KCNJ6: variants seen among roughly 807,000 people sequenced by gnomAD.
KCNJ6 encodes the protein potassium inwardly rectifying channel subfamily J member 6.
Under a neutral mutation model 34.2 loss-of-function variants are expected in KCNJ6, and 9 were observed. The ratio of observed to expected loss-of-function variants is 0.26; its 90% confidence interval spans 0.16 to 0.46. The LOEUF is 0.46. KCNJ6 is among the 20% of genes least tolerant of loss of function. The pLI, the probability that KCNJ6 is intolerant of heterozygous loss-of-function variation, is 1.00. For missense variants in KCNJ6, 236 were observed against 531.3 expected (o/e 0.44, Z 5.46); for synonymous variants, 196 against 207.1 (o/e 0.95, Z 0.46).
intron 1 of KCNJ6, among the ~76,000 whole-genome samples, chr21:37,911,747 T>C (rs1024541964): frequency 7.2e-5 from 11 of 152,332 alleles, no homozygotes; most frequent in Middle Eastern, 6.8e-3. Flanking sequence ...AGCTTCACCT[T>C]ATCTGCCTGC....
intron 2 of KCNJ6, among the ~76,000 whole-genome samples, chr21:37,715,618 A>T (rs112320807): frequency 0.022 from 3,420 of 152,300 alleles, 72 homozygotes; most frequent in Non-Finnish European, 0.032. Flanking sequence ...CCCAACCCCT[A>T]AGGTGACAGT....
intron 2 of KCNJ6, among the ~76,000 whole-genome samples, chr21:37,779,422 T>C (rs1252968568): frequency 6.6e-6 from 1 of 152,148 alleles, no homozygotes; most frequent in Non-Finnish European, 1.5e-5. Context: ...GGGAGAGGTG[T>C]GTTAATCAGC....
intron 2 of KCNJ6, among the ~76,000 whole-genome samples, chr21:37,729,634 CT>C (rs1163800092): frequency 3.3e-5 from 5 of 152,224 alleles, no homozygotes; most frequent in Non-Finnish European, 7.3e-5. Flanking sequence ...CCTGATTCTT[CT>C]TTAAAGCGAT....
At chr21:37,752,566 T>G (rs1434431712) in intron 2 of KCNJ6, among the ~76,000 whole-genome samples, 1 of 151,630 alleles carries the variant, frequency 6.6e-6, no homozygotes, top group Non-Finnish European at 1.5e-5. Flanking sequence ...GAAAGAGGAA[T>G]AGAGAGGGAG....
At chr21:37,761,769 ATGTAGTGTGTG>A (rs1183162579) in intron 2 of KCNJ6, among the ~76,000 whole-genome samples, 1 of 150,218 alleles carries the variant, frequency 6.7e-6, no homozygotes, top group Non-Finnish European at 1.5e-5. Context: ...TGTTGTGTGT[ATGTAGTGTGTG>A]TGTGGTATGT....
chr21:37,617,953 T>G lies in KCNJ6; in HGVS notation c.*7206A>C, dbSNP rs188380757. 2.6e-5 allele frequency: 4 copies of G among 152,304 alleles called. No homozygotes were observed. The highest frequency in any genetic ancestry group is 4.8e-5 in the African/African-American group (2 of 41,554). 9.4% of individuals were successfully genotyped at this position (152,304 alleles called of 1,614,324 possible). A position where few individuals can be genotyped will look rare whatever the true frequency, so the allele number is the denominator to read the frequency against. ...GAAAGATACAGGGTCCCCCGGAAGA[T>G]ACTTCTAGGGGGTCATTGTCCAGAT... On this transcript the variant is annotated 3_prime_UTR_variant, in exon 4 of 4. Transcript: ENST00000609713.
intron 3 of KCNJ6, among the ~76,000 whole-genome samples, chr21:37,671,603 C>T (rs2054542493): frequency 6.6e-6 from 1 of 152,246 alleles, no homozygotes; most frequent in South Asian, 2.1e-4. Context: ...GAAGCACAGG[C>T]CACAACCTGT....
At chr21:37,712,998 C>G (rs991229808) in intron 3 of KCNJ6, among the ~76,000 whole-genome samples, 1 of 152,048 alleles carries the variant, frequency 6.6e-6, no homozygotes, top group Non-Finnish European at 1.5e-5. Context: ...CCATTGAGCT[C>G]CATGCAAAGC....
At chr21:37,643,646 C>A (rs1260488480) in intron 3 of KCNJ6, among the ~76,000 whole-genome samples, 1 of 152,130 alleles carries the variant, frequency 6.6e-6, no homozygotes, top group African/African-American at 2.4e-5. Flanking sequence ...GATGTGGACA[C>A]CTGAGGAAAA....
chr21:37,752,396 C>T (rs2055000661), intron 2 of KCNJ6, among the ~76,000 whole-genome samples: 1 of 152,150 alleles, frequency 6.6e-6, no homozygotes, highest in African/African-American at 2.4e-5. Flanking sequence ...TTTCTATACA[C>T]ATGGCGGCTG....
At chr21:37,783,455 C>A (rs2055179025) in intron 2 of KCNJ6, among the ~76,000 whole-genome samples, 1 of 152,148 alleles carries the variant, frequency 6.6e-6, no homozygotes, top group South Asian at 2.1e-4. Context: ...TCCTCATTTT[C>A]TCTTGCCACC....
chr21:37,625,586 A>T (rs1189851917), intron 3 of KCNJ6, 102 bp from the exon 4 acceptor site: 2 of 759,406 alleles, frequency 2.6e-6, no homozygotes, highest in Non-Finnish European at 4.3e-6. Context: ...AGCTGTTGAG[A>T]CTGACCTGCA....
intron 2 of KCNJ6, among the ~76,000 whole-genome samples, chr21:37,760,448 T>A (rs2123494061): frequency 6.6e-6 from 1 of 152,220 alleles, no homozygotes; most frequent in East Asian, 1.9e-4. Flanking sequence ...AGGCACCATC[T>A]CAAACAGTGT....
intron 2 of KCNJ6, among the ~76,000 whole-genome samples, chr21:37,804,498 G>A (rs568424309): frequency 6.6e-6 from 1 of 152,260 alleles, no homozygotes; most frequent in Non-Finnish European, 1.5e-5. Flanking sequence ...ATGGGGGTTT[G>A]TTGTACAGAT....
rs571101105 is a variant in KCNJ6, at chr21:37,815,290, A to G, written c.25+25368T>C. On this transcript the variant is annotated intron_variant, in intron 2 of 3. Transcript: ENST00000609713. ...GCATTGCTGGATTGTTGTAACATAA[A>G]GGATAAATGCTTGAGAGGATGGATA... Among the ~76,000 whole-genome samples the G allele has an allele frequency of 3.0e-4, 46 of 152,382 alleles. No homozygotes were observed. In the South Asian group the frequency reaches 9.5e-3, roughly 32 times the overall value.
chr21:37,772,489 T>C (rs2055122269), intron 2 of KCNJ6, among the ~76,000 whole-genome samples: 1 of 152,180 alleles, frequency 6.6e-6, no homozygotes, highest in South Asian at 2.1e-4. Context: ...ACTTTTAAAT[T>C]CTACTCTATA....
At chr21:37,687,828 T>A (rs2054622415) in intron 3 of KCNJ6, among the ~76,000 whole-genome samples, 1 of 152,238 alleles carries the variant, frequency 6.6e-6, no homozygotes, top group South Asian at 2.1e-4. Context: ...TTGTGGCATC[T>A]TCTGTGATTG....
chr21:37,717,095 C>G (rs1601435071), intron 2 of KCNJ6: 1 of 122,444 alleles, frequency 8.2e-6, no homozygotes, highest in African/African-American at 4.1e-5. Flanking sequence ...AAAAATCAAT[C>G]TCCTGGATCT....
intron 1 of KCNJ6, among the ~76,000 whole-genome samples, chr21:37,881,470 GGAGAGAGA>G (rs10550872): frequency 3.4e-5 from 5 of 149,212 alleles, no homozygotes; most frequent in East Asian, 4.0e-4. Context: ...CTCTCTGCAT[GGAGAGAGA>G]GAGAGAGAGA....
Sources: allele counts gnomAD v4.1 joint callset (sites outside exome capture counted in the v4.1 genomes callset), GRCh38; gene constraint gnomAD v4.1.1; transcripts MANE v1.5; gene names NCBI Gene and HGNC (gene_info 2026-07-23, HGNC 2026-07-21).